Variants in ARFGEF2 observed in about 807,000 individuals in gnomAD.
The protein encoded by ARFGEF2 is brefeldin A-inhibited guanine nucleotide-exchange protein 2.
Under a neutral mutation model 219.9 loss-of-function variants are expected in ARFGEF2, and 74 were observed. The ratio of observed to expected loss-of-function variants is 0.34; its 90% CI spans 0.28 to 0.41. ARFGEF2 has a LOEUF of 0.41. ARFGEF2 is among the 10% of genes least tolerant of loss of function. The pLI, the probability that ARFGEF2 is intolerant of heterozygous loss-of-function variation, is 1.00. For synonymous variants in ARFGEF2, 733 were observed against 799.2 expected (o/e 0.92, Z 1.40); for missense variants, 1,743 against 2,218.3 (o/e 0.79, Z 4.30).
chr20:48,994,436 C>T lies in ARFGEF2; in HGVS notation c.2974-15C>T. 6.2e-7 allele frequency: 1 copy of T among 1,613,778 alleles called. No homozygotes were observed. The highest frequency in any genetic ancestry group is 8.5e-7 in the Non-Finnish European group (1 of 1,179,986). ...TAAGGTAGGAACTCATTTCTTCATGCCTTCTTTCTCTTAGATCTTGAAATG... is the reference window on the plus strand; with the variant it reads ...TAAGGTAGGAACTCATTTCTTCATGTCTTCTTTCTCTTAGATCTTGAAATG... On this transcript the variant is annotated splice_polypyrimidine_tract_variant and intron_variant, in intron 21 of 38. Coordinates refer to ENST00000371917, the MANE Select transcript of ARFGEF2 (RefSeq NM_006420.3).
At chr20:48,946,366 T>C (rs1396772187) in intron 3 of ARFGEF2, among the ~76,000 whole-genome samples, 2 of 152,092 alleles carry the variant, frequency 1.3e-5, no homozygotes, top group Non-Finnish European at 2.9e-5. Context: ...TTCTCCAGCA[T>C]TTGGTCTGCT....
intron 6 of ARFGEF2, 126 bp downstream of exon 6, chr20:48,953,916 C>T: frequency 1.0e-6 from 1 of 1,003,344 alleles, no homozygotes; most frequent in African/African-American, 1.6e-5. Context: ...CTTTCTGGGC[C>T]TTTCCCTTTG....
At chr20:48,926,640 T>C (rs779697203) in intron 1 of ARFGEF2, among the ~76,000 whole-genome samples, 1 of 152,142 alleles carries the variant, frequency 6.6e-6, no homozygotes, top group Non-Finnish European at 1.5e-5. Flanking sequence ...CTGTTTTTAG[T>C]AGAGACGGGG....
At chr20:48,957,772 C>T (rs2091114208) in intron 6 of ARFGEF2, among the ~76,000 whole-genome samples, 1 of 152,176 alleles carries the variant, frequency 6.6e-6, no homozygotes, top group South Asian at 2.1e-4. Context: ...GGGATTTTTC[C>T]TTAGCAGCTC....
intron 1 of ARFGEF2, 88 bp from the exon 2 acceptor site, chr20:48,941,111 T>C: frequency 8.3e-7 from 1 of 1,204,988 alleles, no homozygotes. Flanking sequence ...AACAATCTTT[T>C]CAGTGGTCTC....
intron 26 of ARFGEF2, among the ~76,000 whole-genome samples, chr20:49,007,252 C>T (rs556748570): frequency 5.4e-4 from 81 of 150,288 alleles, no homozygotes; most frequent in African/African-American, 1.9e-3. Context: ...CTCTTGTCTG[C>T]TATTCCCCTA....
chr20:48,935,724 TG>T (rs2090945014), intron 1 of ARFGEF2, among the ~76,000 whole-genome samples: 1 of 142,834 alleles, frequency 7.0e-6, no homozygotes, highest in Non-Finnish European at 1.5e-5. Context: ...GGCGGGGGGC[TG>T]ACACCCCCAC....
intron 27 of ARFGEF2, among the ~76,000 whole-genome samples, chr20:49,010,672 A>G (rs1230424306): frequency 6.6e-6 from 1 of 152,244 alleles, no homozygotes; most frequent in East Asian, 1.9e-4. Context: ...TTCAAGCCAG[A>G]TGAAATTTGA....
intron 38 of ARFGEF2, 93 bp from the exon 39 acceptor site, chr20:49,032,930 A>G (rs2091645235): frequency 2.4e-6 from 3 of 1,225,370 alleles, no homozygotes; most frequent in Non-Finnish European, 3.5e-6. Flanking sequence ...CAATATTGTA[A>G]TAAGTTCCAG....
chr20:48,973,199 C>T lies in ARFGEF2; in HGVS notation c.1580C>T (p.Ala527Val), dbSNP rs6063343. 6.2e-7 allele frequency: 1 copy of T among 1,614,122 alleles called. No individual in the cohort carries two copies. Among genetic ancestry groups the T allele is most frequent in the East Asian group, 2.2e-5 (1 of 44,882 alleles). Residue 527 changes from alanine to valine, a missense_variant, in exon 12 of 39, where the codon GCT (alanine) becomes GTT (valine). By Grantham distance (64) the Ala-to-Val change is moderately conservative. This residue lies in a region of ARFGEF2 where 666 missense variants were observed against 955.4 expected (regional missense o/e 0.70). Transcript: ENST00000371917. The part of the protein sequence containing the change: ...YVNYDCDLNA[A>V]NIFERLVNDL... ...AACTACGACTGTGATTTAAATGCTG[C>T]TAACATTTTTGAGCGCCTTGTAAAT...
chr20:48,925,087 T>C (rs767957883), intron 1 of ARFGEF2, among the ~76,000 whole-genome samples: 8 of 152,194 alleles, frequency 5.3e-5, no homozygotes, highest in Non-Finnish European at 1.2e-4. Context: ...AATTACGTGA[T>C]TGAAAGGCTG....
chr20:48,989,112 C>G (rs958264102), intron 18 of ARFGEF2, among the ~76,000 whole-genome samples, 173 bp from the exon 19 acceptor site: 3 of 152,122 alleles, frequency 2.0e-5, no homozygotes, highest in African/African-American at 7.2e-5. Context: ...TGACTTACCC[C>G]CTCTGCCTCA....
At chr20:48,925,457 T>C (rs990172550) in intron 1 of ARFGEF2, among the ~76,000 whole-genome samples, 1 of 152,218 alleles carries the variant, frequency 6.6e-6, no homozygotes, top group Non-Finnish European at 1.5e-5. Context: ...TCTCCCATCA[T>C]GTATCTTTAA....
intron 12 of ARFGEF2, 62 bp from the exon 13 acceptor site, chr20:48,974,704 G>T: frequency 7.3e-7 from 1 of 1,368,292 alleles, no homozygotes; most frequent in Non-Finnish European, 1.0e-6. Context: ...AGAAAGCCTC[G>T]TAGATGTCTG....
chr20:48,991,074 G>T lies in ARFGEF2; in HGVS notation c.2849G>T (p.Arg950Leu). The T allele has an allele frequency of 6.2e-7, 1 of 1,614,082 alleles. No homozygotes were observed. Among genetic ancestry groups the T allele is most frequent in the Non-Finnish European group, 8.5e-7 (1 of 1,180,010 alleles). ...GATGCCTATGTTCAGGCTCTTGCTC[G>T]CTTCTCCCTACTCACAGCCAGCTCC... ...ERDAYVQALA[R>L]FSLLTASSSI... Residue 950 changes from arginine to leucine, a missense_variant, in exon 21 of 39, where the codon CGC becomes CTC. By Grantham distance (102) the Arg-to-Leu change is moderately radical. This residue lies in a region of ARFGEF2 where 666 missense variants were observed against 955.4 expected (regional missense o/e 0.70). Transcript: ENST00000371917.
intron 27 of ARFGEF2, 148 bp downstream of exon 27, chr20:49,010,552 AT>A (rs1450753225): frequency 4.5e-6 from 4 of 896,014 alleles, no homozygotes; most frequent in Non-Finnish European, 7.1e-6. Flanking sequence ...TAAGCGCTTG[AT>A]GAGTATTAAT....
At chr20:49,001,431 G>T (rs2091424663) in intron 25 of ARFGEF2, among the ~76,000 whole-genome samples, 1 of 152,162 alleles carries the variant, frequency 6.6e-6, no homozygotes, top group Admixed American at 6.5e-5. Context: ...CAGATTTGAA[G>T]AAATAGATAT....
chr20:48,942,405 T>C lies in ARFGEF2; in HGVS notation c.276+418T>C, dbSNP rs145728518. 1.4e-4 allele frequency among the ~76,000 whole-genome samples: 21 copies of C among 152,014 alleles called. No individual in the cohort carries two copies. The East Asian group carries it at 3.9e-3, about 28-fold the overall frequency. ...CCTCAAGCAGTCCTACCACCTTGGC[T>C]TTCCAAAGTGCTGGGTTTATAGGCA... On this transcript the variant is annotated intron_variant, in intron 3 of 38. Coordinates refer to ENST00000371917, the MANE Select transcript of ARFGEF2 (RefSeq NM_006420.3).
At chr20:48,989,219 C>CA in intron 18 of ARFGEF2, 66 bp from the exon 19 acceptor site, 1 of 1,557,734 alleles carries the variant, frequency 6.4e-7, no homozygotes, top group East Asian at 2.2e-5. Flanking sequence ...TCTTTTGAAA[C>CA]AGTGTATGGC....
Sources: allele counts gnomAD v4.1 joint callset (sites outside exome capture counted in the v4.1 genomes callset), GRCh38; gene constraint gnomAD v4.1.1; regional missense constraint gnomAD v4.1.1; transcripts MANE v1.5; gene names NCBI Gene and HGNC (gene_info 2026-07-23, HGNC 2026-07-21).